THOP1: variants seen among roughly 807,000 people sequenced by gnomAD.
The protein encoded by THOP1 is thimet oligopeptidase 1.
Under a neutral mutation model 71.8 loss-of-function variants are expected in THOP1, and 49 were observed. The observed-to-expected ratio is 0.68, with a 90% CI of 0.54 to 0.87. The LOEUF (loss-of-function observed/expected upper bound fraction) is 0.87, where lower values mean the gene tolerates loss of function less well. THOP1 is among the 40% of genes least tolerant of loss of function. THOP1 has a pLI of 0.00. For synonymous variants in THOP1, 426 were observed against 421.5 expected (o/e 1.01, Z -0.13); for missense variants, 843 against 975.6 (o/e 0.86, Z 1.81).
intron 10 of THOP1, 42 bp downstream of exon 10, chr19:2,810,532 G>A (rs201922825): frequency 2.6e-6 from 4 of 1,530,278 alleles, no homozygotes; most frequent in Non-Finnish European, 3.5e-6. Flanking sequence ...ACCTCGGGGG[G>A]CGGCACACAG....
intron 2 of THOP1, among the ~76,000 whole-genome samples, chr19:2,794,390 T>C (rs553860823): frequency 5.9e-5 from 9 of 152,300 alleles, no homozygotes; most frequent in African/African-American, 2.2e-4. Context: ...AAATTGTAAG[T>C]AGTTTATGCA....
At chr19:2,798,997 GT>G (rs969374239) in intron 4 of THOP1, among the ~76,000 whole-genome samples, 14 of 152,182 alleles carry the variant, frequency 9.2e-5, no homozygotes, top group African/African-American at 3.4e-4. Context: ...AGTTTTAGCT[GT>G]TTCTAAAACC....
chr19:2,810,360 G>C lies in THOP1; in HGVS notation c.1512G>C (p.Pro504=), dbSNP rs780216810. 1 of 1,611,734 alleles carries C rather than the reference G, an allele frequency of 6.2e-7. No homozygotes were observed. Among genetic ancestry groups the C allele is most frequent in the Non-Finnish European group, 8.5e-7 (1 of 1,179,738 alleles). ...TGGAGCGGGACTTTGTGGAGGCGCC[G>C]TCGCAGATGCTGGAGAACTGGGTGT... ...THVERDFVEA[P]SQMLENWVWE... The change falls in exon 10 of 13, where the codon CCG becomes CCC. Residue 504 remains proline (P), a synonymous_variant. Coordinates refer to ENST00000307741, the MANE Select transcript of THOP1 (RefSeq NM_003249.5).
chr19:2,790,552 C>T lies in THOP1; in HGVS notation c.148C>T (p.Gln50Ter). 6.2e-7 allele frequency: 1 copy of T among 1,607,266 alleles called. No individual in the cohort carries two copies. Among genetic ancestry groups the T allele is most frequent in the Non-Finnish European group, 8.5e-7 (1 of 1,177,156 alleles). ...LIEQTKRVYD[Q>*]VGTQEFEDVS... ...CGAGCAGACCAAGCGCGTGTATGACCAGGTTGGCACCCAGGAGTTTGAGGA... is the reference window on the plus strand; with the variant it reads ...CGAGCAGACCAAGCGCGTGTATGACTAGGTTGGCACCCAGGAGTTTGAGGA... The change falls in exon 2 of 13, where the codon CAG (glutamine) becomes TAG (stop). Residue 50 changes from glutamine (Q) to a stop codon, truncating the protein, a stop_gained. Coordinates refer to ENST00000307741, the MANE Select transcript of THOP1 (RefSeq NM_003249.5). LOFTEE classifies it high-confidence loss of function.
intron 1 of THOP1, among the ~76,000 whole-genome samples, chr19:2,787,901 C>G (rs1478538171): frequency 6.6e-6 from 1 of 152,192 alleles, no homozygotes; most frequent in Non-Finnish European, 1.5e-5. Context: ...AGAGAGACAC[C>G]CTGGTGCGTA....
chr19:2,802,547 C>T (rs1011278118), intron 5 of THOP1, among the ~76,000 whole-genome samples: 14 of 142,840 alleles, frequency 9.8e-5, no homozygotes, highest in Admixed American at 2.7e-4. Flanking sequence ...CAACACCTCC[C>T]GACACCAACA....
chr19:2,796,050 C>T (rs576466514), intron 3 of THOP1, 31 bp from the exon 4 acceptor site: 15 of 1,576,734 alleles, frequency 9.5e-6, no homozygotes, highest in African/African-American at 6.7e-5. Flanking sequence ...CACTGGCCCA[C>T]GTCCTACATG....
chr19:2,813,426 C>A lies in THOP1; in HGVS notation c.*150C>A. ...CTTGCCTCTTGTCATTGTCTGTCCC[C>A]ACCCGGTCGTGGCCCACCCGGCTAG... On this transcript the variant is annotated 3_prime_UTR_variant, in exon 13 of 13. Transcript: ENST00000307741. 9.5e-7 allele frequency: 1 copy of A among 1,056,784 alleles called. No homozygotes were observed. Among genetic ancestry groups the A allele is most frequent in the Non-Finnish European group, 1.3e-6 (1 of 760,702 alleles). The allele number at this position is 1,056,784 out of a possible 1,614,324, so 65.5% of individuals were successfully genotyped here. A position where few individuals can be genotyped will look rare whatever the true frequency, so the allele number is the denominator to read the frequency against.
In THOP1 at chr19:2,790,611, C is replaced by T. The variant is rs529268870; in HGVS notation, c.207C>T (p.Ala69=). The T allele has an allele frequency of 6.4e-5, 101 of 1,575,440 alleles. No individual in the cohort carries two copies. The highest frequency in any genetic ancestry group is 4.7e-4 in the East Asian group (21 of 44,304). ...ACGAGAGCACGCTCAAGGCGCTGGC[C>T]GATGTGGAGGTCACCTACACAGGTA... ...VSYESTLKAL[A]DVEVTYTVQR... Residue 69 remains alanine (A), a synonymous_variant, in exon 2 of 13, where the codon GCC becomes GCT. Coordinates refer to ENST00000307741, the MANE Select transcript of THOP1 (RefSeq NM_003249.5).
intron 4 of THOP1, 33 bp downstream of exon 4, chr19:2,796,221 G>T: frequency 6.5e-7 from 1 of 1,544,202 alleles, no homozygotes; most frequent in South Asian, 1.1e-5. Context: ...GCTGGGCGTG[G>T]GCAATGGTCG....
rs202043577 is a variant in THOP1, at chr19:2,796,150, C to G, written c.448C>G (p.Arg150Gly). ...RYLERLIKLG[R>G]RNGLHLPRET... ...CCTGGAGCGGCTAATCAAGCTGGGC[C>G]GGAGAAATGGGCTTCACCTCCCCAG... The change falls in exon 4 of 13, where the codon CGG becomes GGG. Residue 150 changes from arginine (R) to glycine (G), a missense_variant. Transcript: ENST00000307741. 1.5e-5 allele frequency: 25 copies of G among 1,613,676 alleles called. No individual in the cohort carries two copies. The highest frequency in any genetic ancestry group is 2.1e-5 in the Non-Finnish European group (25 of 1,179,928).
intron 2 of THOP1, among the ~76,000 whole-genome samples, chr19:2,792,425 A>T (rs999050783): frequency 6.6e-6 from 1 of 151,976 alleles, no homozygotes; most frequent in Non-Finnish European, 1.5e-5. Flanking sequence ...TTGGCCTCCA[A>T]AAGTGTGGGG....
Position 2,804,027 on chromosome 19 carries a change from G to C in THOP1, c.590-989G>C, listed in dbSNP as rs1916225576. On this transcript the variant is annotated intron_variant, in intron 5 of 12. Coordinates refer to ENST00000307741, the MANE Select transcript of THOP1 (RefSeq NM_003249.5). This position sits in a 1 kb window ranked among gnomAD's most constrained non-coding sequence, Gnocchi z 4.7. ...CGTTCTTTCTACCCCTACTGCTCTGGGGTCCGTGTGAGCTCCGGATCATTC... is the reference window on the plus strand; with the variant it reads ...CGTTCTTTCTACCCCTACTGCTCTGCGGTCCGTGTGAGCTCCGGATCATTC... Among the ~76,000 whole-genome samples the C allele has an allele frequency of 6.6e-6, 1 of 151,742 alleles. No individual in the cohort carries two copies.
chr19:2,794,834 G>A lies in THOP1; in HGVS notation c.300G>A (p.Glu100=). ...PSKDIRTAST[E]ADKKLSEFDV... ...AGGACATCCGGACAGCCAGCACAGA[G>A]GCCGACAAGAAGCTCTCTGAGTTCG... Residue 100 remains glutamate (E), a synonymous_variant, in exon 3 of 13, where the codon GAG becomes GAA. Transcript: ENST00000307741. The A allele has an allele frequency of 6.2e-7, 1 of 1,614,052 alleles. No individual in the cohort carries two copies. The highest frequency in any genetic ancestry group is 8.5e-7 in the Non-Finnish European group (1 of 1,179,988).
chr19:2,801,528 T>C lies in THOP1; in HGVS notation c.589+1737T>C, dbSNP rs1054739676. Among the ~76,000 whole-genome samples, 3 of 152,316 alleles carry C rather than the reference T, an allele frequency of 2.0e-5. No individual in the cohort carries two copies. Among genetic ancestry groups the C allele is most frequent in the East Asian group, 1.9e-4 (1 of 5,184 alleles). On this transcript the variant is annotated intron_variant, in intron 5 of 12. Transcript: ENST00000307741. This position sits in a 1 kb window ranked among gnomAD's most constrained non-coding sequence, Gnocchi z 5.1. ...GACAGTCTCCAGGGCTGTCCGCTGC[T>C]GCTGCCCCGGGACCTGTTTCCCTTT... is the stretch of plus-strand genomic sequence containing the variant.
chr19:2,811,266 C>T (rs1916453610), intron 11 of THOP1, among the ~76,000 whole-genome samples: 1 of 152,194 alleles, frequency 6.6e-6, no homozygotes. Context: ...AAAATCTTTC[C>T]AAAAGCGTTT....
Position 2,813,344 on chromosome 19 carries a change from A to G in THOP1, c.*68A>G. 6.8e-7 allele frequency: 1 copy of G among 1,479,038 alleles called. No individual in the cohort carries two copies. The highest frequency in any genetic ancestry group is 9.0e-7 in the Non-Finnish European group (1 of 1,109,522). 91.6% of individuals were successfully genotyped at this position (1,479,038 alleles called of 1,614,324 possible). ...GCCCTGGTGCCTTAGCCCCCGGCAC[A>G]GGATGGGGCAGGCTCTGGCACAGTG... is the stretch of plus-strand genomic sequence containing the variant. On this transcript the variant is annotated 3_prime_UTR_variant, in exon 13 of 13. Coordinates refer to ENST00000307741, the MANE Select transcript of THOP1 (RefSeq NM_003249.5).
rs560703593 is a variant in THOP1, at chr19:2,790,972, C to T, written c.229+339C>T. Among the ~76,000 whole-genome samples the T allele has an allele frequency of 6.8e-4, 103 of 152,340 alleles. 1 individual carries two copies. The South Asian group carries it at 0.011, about 17-fold the overall frequency. ...GATGAGAAAATATGTCTAAACAGCA[C>T]GCCTCTCCAGCCTCTCCCAGAGCCA... On this transcript the variant is annotated intron_variant, in intron 2 of 12. Transcript: ENST00000307741.
At chr19:2,802,905 A>G (rs1183167511) in intron 5 of THOP1, among the ~76,000 whole-genome samples, 2 of 152,262 alleles carry the variant, frequency 1.3e-5, no homozygotes, top group Admixed American at 6.5e-5. Flanking sequence ...ATCGTCCCAC[A>G]TGGACCCTCA....
Sources: allele counts gnomAD v4.1 joint callset (sites outside exome capture counted in the v4.1 genomes callset), GRCh38; gene constraint gnomAD v4.1.1; non-coding constraint Gnocchi (gnomAD v3.1); transcripts MANE v1.5; gene names NCBI Gene and HGNC (gene_info 2026-07-23, HGNC 2026-07-21).